The following GALNT13 variants were observed in gnomAD, a reference collection of about 807,000 sequenced individuals.
GALNT13 encodes UDP-GalNAc:polypeptide N-acetylgalactosaminyltransferase 13.
Under a neutral mutation model 64.2 loss-of-function variants are expected in GALNT13, and 28 were observed. That is an observed-to-expected ratio of 0.44 (90% CI 0.32 to 0.60). The LOEUF (loss-of-function observed/expected upper bound fraction) is 0.60. Among genes scored for constraint, GALNT13 ranks in the 20% least tolerant of loss-of-function variants. The pLI, the probability that GALNT13 is intolerant of heterozygous loss-of-function variation, is 0.05. For synonymous variants in GALNT13, 214 were observed against 224.6 expected, an observed-to-expected ratio of 0.95 and a Z score of 0.42; for missense variants, 577 against 669.8, an observed-to-expected ratio of 0.86 and a Z score of 1.53.
chr2:153,855,429 C>T, the GALNT13 span, among the ~76,000 whole-genome samples: 1 of 152,118 alleles, frequency 6.6e-6, no homozygotes, highest in African/African-American at 2.4e-5. Context: ...GGGCAAATTA[C>T]CTGGCTAGGC....
At chr2:153,403,005 T>C in the GALNT13 span, among the ~76,000 whole-genome samples, 2 of 151,550 alleles carry the variant, frequency 1.3e-5, no homozygotes, top group Admixed American at 1.3e-4. Flanking sequence ...AGAGGCACTC[T>C]GCTTTTTAGA....
At chr2:153,452,238 G>A in the GALNT13 span, among the ~76,000 whole-genome samples, 1 of 152,172 alleles carries the variant, frequency 6.6e-6, no homozygotes, top group Non-Finnish European at 1.5e-5. Flanking sequence ...AAATTTGTAT[G>A]TGATTTTCTG....
chr2:153,671,835 CAAAAT>C, the GALNT13 span, among the ~76,000 whole-genome samples: 8 of 151,634 alleles, frequency 5.3e-5, no homozygotes, highest in South Asian at 1.7e-3. Context: ...CACGTAGGCT[CAAAAT>C]AAAGGGATGG....
chr2:153,605,470 T>C, the GALNT13 span, among the ~76,000 whole-genome samples: 1 of 152,124 alleles, frequency 6.6e-6, no homozygotes, highest in African/African-American at 2.4e-5. Flanking sequence ...TTTAACTTCT[T>C]AAATATAAGG....
chr2:153,758,376 G>T, the GALNT13 span, among the ~76,000 whole-genome samples: 1 of 150,992 alleles, frequency 6.6e-6, no homozygotes, highest in Non-Finnish European at 1.5e-5. Context: ...GTACCATGCT[G>T]TTTTAATTAC....
the GALNT13 span, among the ~76,000 whole-genome samples, chr2:153,316,638 T>TTAAAAAAAAAAAAA: frequency 2.8e-5 from 1 of 36,006 alleles, no homozygotes. Flanking sequence ...AGACTCCGTC[T>TTAAAAAAAAAAAAA]CAAAAAAAAA....
the GALNT13 span, among the ~76,000 whole-genome samples, chr2:153,526,996 C>T: frequency 3.3e-5 from 5 of 150,376 alleles, no homozygotes; most frequent in Non-Finnish European, 7.4e-5. Context: ...TCTGAGGAGA[C>T]AAAAGCAAAG....
At chr2:153,992,846 C>T (rs1695250277) in intron 3 of GALNT13, among the ~76,000 whole-genome samples, 1 of 152,182 alleles carries the variant, frequency 6.6e-6, no homozygotes, top group African/African-American at 2.4e-5. Context: ...CCTCATCACC[C>T]TTGCCTATTA....
At chr2:154,066,223 A>G (rs988932904) in intron 3 of GALNT13, among the ~76,000 whole-genome samples, 10 of 152,296 alleles carry the variant, frequency 6.6e-5, no homozygotes, top group African/African-American at 2.2e-4. Context: ...GCACACCTAC[A>G]GGATCTAGAA....
chr2:154,356,095 C>T (rs1696732857), intron 9 of GALNT13, among the ~76,000 whole-genome samples: 1 of 152,020 alleles, frequency 6.6e-6, no homozygotes. Flanking sequence ...TCTTTGATCA[C>T]TATTCTATTG....
the GALNT13 span, chr2:153,356,710 G>T: frequency 6.6e-6 from 1 of 151,890 alleles, no homozygotes; most frequent in African/African-American, 2.4e-5. Flanking sequence ...TGTGTATGGG[G>T]TGCGCTATCA....
chr2:153,261,880 A>G, the GALNT13 span, among the ~76,000 whole-genome samples: 546 of 151,988 alleles, frequency 3.6e-3, 1 homozygote, highest in Non-Finnish European at 4.7e-3. Flanking sequence ...GCTACCACCA[A>G]TGTTTGCTCA....
the GALNT13 span, among the ~76,000 whole-genome samples, chr2:153,660,225 T>A: frequency 6.6e-6 from 1 of 152,198 alleles, no homozygotes; most frequent in South Asian, 2.1e-4. Flanking sequence ...TGATATTTGA[T>A]CAGAGTTCTA....
At chr2:153,372,858 A>T in the GALNT13 span, among the ~76,000 whole-genome samples, 3 of 152,068 alleles carry the variant, frequency 2.0e-5, no homozygotes, top group Non-Finnish European at 4.4e-5. Flanking sequence ...TGATGCTTGA[A>T]CTATCTTTTC....
chr2:154,322,994 A>G (rs1054728830), intron 9 of GALNT13, among the ~76,000 whole-genome samples: 2 of 152,018 alleles, frequency 1.3e-5, no homozygotes, highest in African/African-American at 4.8e-5. Flanking sequence ...GGGTACTCAG[A>G]TAACTTTAAA....
chr2:153,075,870 A>G, the GALNT13 span, among the ~76,000 whole-genome samples: 3 of 152,242 alleles, frequency 2.0e-5, no homozygotes, highest in East Asian at 1.9e-4. Context: ...TGATGGAATA[A>G]TTTACATATG....
chr2:153,352,682 C>T, the GALNT13 span, among the ~76,000 whole-genome samples: 3 of 152,006 alleles, frequency 2.0e-5, no homozygotes, highest in East Asian at 1.9e-4. Flanking sequence ...GTAAATGTTC[C>T]GTTGTTCCAG....
chr2:154,182,296 TTTCCAGTTGCGCATACTGAA>T (rs1300873987), intron 4 of GALNT13, among the ~76,000 whole-genome samples: 1 of 152,210 alleles, frequency 6.6e-6, no homozygotes, highest in Non-Finnish European at 1.5e-5. Context: ...CTTCAATGCA[TTTCCAGTTGCGCATACTGAA>T]AAGCATAAAT....
intron 7 of GALNT13, among the ~76,000 whole-genome samples, chr2:154,253,261 G>T (rs778467809): frequency 5.3e-5 from 8 of 151,896 alleles, no homozygotes; most frequent in Non-Finnish European, 1.2e-4. Flanking sequence ...TGCCTCTTGG[G>T]GTCTCATTAC....
Sources: allele counts gnomAD v4.1 joint callset (sites outside exome capture counted in the v4.1 genomes callset), GRCh38; gene constraint gnomAD v4.1.1; transcripts MANE v1.5; gene names NCBI Gene and HGNC (gene_info 2026-07-23, HGNC 2026-07-21).